Variants in HERC3 observed in about 807,000 individuals in gnomAD.
The protein encoded by HERC3 is probable E3 ubiquitin-protein ligase HERC3.
Under a neutral mutation model 129.9 loss-of-function variants are expected in HERC3, and 58 were observed. The observed-to-expected ratio is 0.45, with a 90% CI of 0.36 to 0.56. The LOEUF (loss-of-function observed/expected upper bound fraction) is 0.56, where lower values mean the gene tolerates loss of function less well. Among genes scored for constraint, HERC3 ranks in the 20% least tolerant of loss-of-function variants. The pLI is 0.00. For missense variants in HERC3, 835 were observed against 1,244.2 expected (o/e 0.67, Z 4.95); for synonymous variants, 430 against 451.0 (o/e 0.95, Z 0.59).
chr4:88,559,269 T>A, the HERC3 span, among the ~76,000 whole-genome samples: 1 of 152,148 alleles, frequency 6.6e-6, no homozygotes. Flanking sequence ...TAGTTACTTT[T>A]TTTTGTTTCT....
intron 21 of HERC3, among the ~76,000 whole-genome samples, chr4:88,684,390 G>T (rs908365931): frequency 1.3e-5 from 2 of 152,138 alleles, no homozygotes; most frequent in Non-Finnish European, 2.9e-5. Flanking sequence ...TTAATAAATG[G>T]TGCTGGGAAA....
At chr4:88,633,165 G>T (rs181734148) in intron 3 of HERC3, among the ~76,000 whole-genome samples, 1 of 152,184 alleles carries the variant, frequency 6.6e-6, no homozygotes, top group African/African-American at 2.4e-5. Context: ...TGAAACAAAG[G>T]CAGTTTTAGG....
chr4:88,570,755 A>AT, the HERC3 span, among the ~76,000 whole-genome samples: 6 of 130,160 alleles, frequency 4.6e-5, no homozygotes, highest in East Asian at 2.2e-4. Flanking sequence ...TTCCTATTTT[A>AT]TTTTATTTTT....
intron 18 of HERC3, among the ~76,000 whole-genome samples, 197 bp downstream of exon 18, chr4:88,676,620 A>T (rs1732193541): frequency 6.6e-6 from 1 of 151,632 alleles, no homozygotes; most frequent in African/African-American, 2.4e-5. Flanking sequence ...TAGATTAGAG[A>T]TTGGCAAAAG....
the HERC3 span, among the ~76,000 whole-genome samples, chr4:88,566,994 G>T: frequency 1.3e-5 from 2 of 152,002 alleles, no homozygotes. Context: ...TCACTTTGTT[G>T]CCCAGGTTGG....
upstream of HERC3, among the ~76,000 whole-genome samples, chr4:88,591,910 G>T (rs2149160574): frequency 6.6e-6 from 1 of 151,706 alleles, no homozygotes; most frequent in African/African-American, 2.4e-5. Context: ...GCCGGTCTTC[G>T]ATCCCCACCT....
chr4:88,550,223 C>G, the HERC3 span, among the ~76,000 whole-genome samples: 3 of 152,156 alleles, frequency 2.0e-5, no homozygotes, highest in Non-Finnish European at 4.4e-5. Context: ...TTTCCTGGCA[C>G]AAGACAGGGA....
chr4:88,682,512 G>A (rs182371569), intron 21 of HERC3, among the ~76,000 whole-genome samples: 61 of 123,240 alleles, frequency 4.9e-4, no homozygotes, highest in Non-Finnish European at 6.9e-4. Flanking sequence ...GTGATGTTCC[G>A]CTTCCTGTGT....
intron 3 of HERC3, among the ~76,000 whole-genome samples, chr4:88,644,873 A>C (rs1401675830): frequency 6.6e-6 from 1 of 152,168 alleles, no homozygotes; most frequent in African/African-American, 2.4e-5. Flanking sequence ...GTTTAGACCA[A>C]AGTAATTAAT....
chr4:88,593,044 A>AAATGGGAGCTGGCG (rs150453556), intron 1 of HERC3, among the ~76,000 whole-genome samples: 7,251 of 152,216 alleles, frequency 0.048, 228 homozygotes, highest in Middle Eastern at 0.13. Flanking sequence ...CTTTCAATTG[A>AAATGGGAGCTGGCG]AATGGGAGCT....
In HERC3 at chr4:88,667,559, A is replaced by G. The variant is rs186682273; in HGVS notation, c.1443+71A>G. The G allele has an allele frequency of 3.9e-5, 32 of 821,758 alleles. No homozygotes were observed. The African/African-American group carries it at 5.4e-4, about 14-fold the overall frequency. 50.9% of individuals were successfully genotyped at this position (821,758 alleles called of 1,614,324 possible). On this transcript the variant is annotated intron_variant, in intron 13 of 25. Coordinates refer to ENST00000402738, the MANE Select transcript of HERC3 (RefSeq NM_014606.3). ...GTATCGATGAATTCAACTTCAAGAG[A>G]AAAAGAGTAAGATGAAAAAGTGAAA...
chr4:88,563,068 T>C, the HERC3 span, among the ~76,000 whole-genome samples: 2 of 152,250 alleles, frequency 1.3e-5, no homozygotes, highest in African/African-American at 4.8e-5. Context: ...AGGCATTGCA[T>C]TGAATCTGTA....
the HERC3 span, among the ~76,000 whole-genome samples, chr4:88,559,632 G>A: frequency 1.3e-5 from 2 of 152,122 alleles, no homozygotes; most frequent in African/African-American, 4.8e-5. Flanking sequence ...ATTTCTTAGG[G>A]CTGAATAATT....
chr4:88,531,247 G>A, the HERC3 span, among the ~76,000 whole-genome samples: 3 of 151,620 alleles, frequency 2.0e-5, no homozygotes, highest in East Asian at 3.9e-4. Flanking sequence ...GTTGTGCTAT[G>A]TTGCCCAGGT....
rs1734458347 is a variant in HERC3 at position 88,695,061 on chromosome 4, A to T, written c.2657+7762A>T. Among the ~76,000 whole-genome samples the T allele has an allele frequency of 2.0e-5, 3 of 152,206 alleles. No homozygotes were observed. In the South Asian group the frequency reaches 6.2e-4, roughly 31 times the overall value. ...TTACTGGAACCAGAAAAATAGTAAAATGATAGTCTCTCTCATTCCTGGATA... is the reference window on the plus strand; with the variant it reads ...TTACTGGAACCAGAAAAATAGTAAATTGATAGTCTCTCTCATTCCTGGATA... On this transcript the variant is annotated intron_variant, in intron 23 of 25. Transcript: ENST00000402738.
intron 23 of HERC3, chr4:88,690,587 A>G: frequency 1.0e-6 from 1 of 985,408 alleles, no homozygotes; most frequent in Non-Finnish European, 1.2e-6. Flanking sequence ...CTCTGTGAGT[A>G]TGATACAGTG....
intron 3 of HERC3, among the ~76,000 whole-genome samples, chr4:88,630,461 G>A (rs1225750347): frequency 1.3e-5 from 2 of 151,928 alleles, no homozygotes; most frequent in Non-Finnish European, 2.9e-5. Flanking sequence ...AATGTTATAC[G>A]CTTGCATTAA....
In HERC3 at chr4:88,654,049, A is replaced by G; in HGVS notation, c.693A>G (p.Glu231=). The change falls in exon 7 of 26, where the codon GAA becomes GAG. Residue 231 remains glutamate (E), a synonymous_variant. Coordinates refer to ENST00000402738, the MANE Select transcript of HERC3 (RefSeq NM_014606.3). ...ATATTTAATTTATTCTAGATCGAGAATCTCCATGCCATGTAAAACTCTTAC... is the reference window on the plus strand; with the variant it reads ...ATATTTAATTTATTCTAGATCGAGAGTCTCCATGCCATGTAAAACTCTTAC... The part of the protein sequence containing the change: ...QLGLSDEKDR[E]SPCHVKLLRT... 1 of 1,608,870 alleles carries G rather than the reference A, an allele frequency of 6.2e-7. No individual in the cohort carries two copies.
the HERC3 span, among the ~76,000 whole-genome samples, chr4:88,554,068 C>T: frequency 6.6e-6 from 1 of 152,180 alleles, no homozygotes; most frequent in Non-Finnish European, 1.5e-5. Context: ...ATGGTATCAG[C>T]TGGGCGTGGT....
Sources: gnomAD v4.1 joint callset for allele counts (sites outside exome capture counted in the v4.1 genomes callset) on GRCh38, gnomAD v4.1.1 for gene constraint, MANE v1.5 for transcripts, NCBI Gene and HGNC (gene_info 2026-07-23, HGNC 2026-07-21) for gene names.